The following DCAF10 variants were observed in gnomAD, a reference collection of about 807,000 sequenced individuals.
The protein encoded by DCAF10 is DDB1- and CUL4-associated factor 10.
A neutral mutation model predicts 51.9 loss-of-function variants in DCAF10; 19 were observed. That is an observed-to-expected ratio of 0.37 (90% CI 0.26 to 0.54). The LOEUF is 0.54. Ranked by LOEUF, DCAF10 falls within the 20% of genes least tolerant of loss-of-function variation. The probability of loss-of-function intolerance (pLI) is 0.87; values close to 1 mark genes in which losing one functional copy is unlikely to be tolerated. For synonymous variants in DCAF10, 291 were observed against 297.1 expected (o/e 0.98, Z 0.21); for missense variants, 510 against 730.6 (o/e 0.70, Z 3.48).
intron 1 of DCAF10, among the ~76,000 whole-genome samples, chr9:37,805,419 G>C (rs1003214728): frequency 1.3e-5 from 2 of 152,162 alleles, no homozygotes; most frequent in Admixed American, 1.3e-4. Context: ...GGGAGGCAGA[G>C]GTTGCAGTGA....
rs1831010596 is a variant in DCAF10, at chr9:37,861,330, A to G, written c.1502A>G (p.Asp501Gly). The G allele has an allele frequency of 6.2e-7, 1 of 1,614,182 alleles. No homozygotes were observed. The highest frequency in any genetic ancestry group is 8.5e-7 in the Non-Finnish European group (1 of 1,180,032). The change falls in exon 7 of 7, where the codon GAC becomes GGC. Residue 501 changes from aspartate to glycine, a missense_variant. By Grantham distance (94) the Asp-to-Gly change is moderately conservative. This residue lies in a region of DCAF10 where 104 missense variants were observed against 206.2 expected (regional missense o/e 0.50). Transcript: ENST00000377724. The surrounding 1 kb of genome is among the most constrained non-coding windows in gnomAD (Gnocchi z 4.9). ...TATGGGATTCGCTTGTTGGGATTTG[A>G]CAAACAGTGCAGTGAACTTGTTGAC... ...HGYGIRLLGF[D>G]KQCSELVDCL...
Position 37,801,459 on chromosome 9 carries a change from A to C in DCAF10, c.539+54A>C. On this transcript the variant is annotated intron_variant, in intron 1 of 6. Coordinates refer to ENST00000377724, the MANE Select transcript of DCAF10 (RefSeq NM_024345.5). This position sits in a 1 kb window ranked among gnomAD's most constrained non-coding sequence, Gnocchi z 5.5. ...CCCGCCTCCGCCCGGCTCTGCTGCC[A>C]GCGGACGGCCGTCCTGGGCTCGCTC... is the stretch of plus-strand genomic sequence containing the variant. 7.3e-7 allele frequency: 1 copy of C among 1,366,380 alleles called. No homozygotes were observed. The highest frequency in any genetic ancestry group is 9.4e-7 in the Non-Finnish European group (1 of 1,058,452). The allele number at this position is 1,366,380 out of a possible 1,614,324, so 84.6% of individuals were successfully genotyped here.
intron 1 of DCAF10, among the ~76,000 whole-genome samples, chr9:37,804,203 CAT>C (rs1223624845): frequency 6.6e-6 from 1 of 150,886 alleles, no homozygotes; most frequent in Non-Finnish European, 1.5e-5. Flanking sequence ...TAACACAGAG[CAT>C]AGAGAGAAAA....
chr9:37,860,356 A>C (rs1830978802), intron 6 of DCAF10, 163 bp downstream of exon 6: 1 of 865,554 alleles, frequency 1.2e-6, no homozygotes, highest in Non-Finnish European at 1.7e-6. Context: ...CTCTTGCTTC[A>C]TATGGTATCA....
chr9:37,850,736 A>G lies in DCAF10; in HGVS notation c.852-4044A>G, dbSNP rs142993124. On this transcript the variant is annotated intron_variant, in intron 3 of 6. Transcript: ENST00000377724. ...AACATGATGACCACTGTTAATGACA[A>G]TTTACTGTTGTTATTATATATAATT... is the stretch of plus-strand genomic sequence containing the variant. Among the ~76,000 whole-genome samples, 53 of 149,754 alleles carry G rather than the reference A, an allele frequency of 3.5e-4. No homozygotes were observed. The East Asian group carries it at 9.4e-3, about 27-fold the overall frequency.
chr9:37,860,797 A>G (rs1309277972), intron 6 of DCAF10, among the ~76,000 whole-genome samples: 1 of 152,200 alleles, frequency 6.6e-6, no homozygotes, highest in Non-Finnish European at 1.5e-5. Flanking sequence ...GTGTAGGGGA[A>G]GAGGTAAGAT....
At chr9:37,844,183 G>C (rs998105181) in intron 3 of DCAF10, among the ~76,000 whole-genome samples, 1 of 152,210 alleles carries the variant, frequency 6.6e-6, no homozygotes, top group Non-Finnish European at 1.5e-5. Flanking sequence ...CCATCTCAGT[G>C]GAAAATATTA....
chr9:37,840,979 CTATATACCA>C (rs1217870474), intron 2 of DCAF10, among the ~76,000 whole-genome samples: 1 of 152,116 alleles, frequency 6.6e-6, no homozygotes, highest in African/African-American at 2.4e-5. Flanking sequence ...GAGTGATAGG[CTATATACCA>C]TATATACCAT....
intron 2 of DCAF10, among the ~76,000 whole-genome samples, chr9:37,840,699 G>A (rs1160372842): frequency 6.6e-6 from 1 of 152,108 alleles, no homozygotes; most frequent in Admixed American, 6.5e-5. Context: ...TAGCCTAAGT[G>A]TACAGTCTTT....
At chr9:37,835,398 G>T (rs1219610687) in intron 2 of DCAF10, among the ~76,000 whole-genome samples, 1 of 152,020 alleles carries the variant, frequency 6.6e-6, no homozygotes, top group Non-Finnish European at 1.5e-5. Context: ...GGCCAAAATG[G>T]TGAAACCCTG....
intron 1 of DCAF10, among the ~76,000 whole-genome samples, chr9:37,802,242 G>A (rs1414966457): frequency 1.3e-5 from 2 of 152,192 alleles, no homozygotes; most frequent in African/African-American, 4.8e-5. Flanking sequence ...TAACCATGCT[G>A]AGCAAAACCA....
Position 37,861,554 on chromosome 9 carries a change from G to T in DCAF10, c.*46G>T. On this transcript the variant is annotated 3_prime_UTR_variant, in exon 7 of 7. Transcript: ENST00000377724. This position sits in a 1 kb window ranked among gnomAD's most constrained non-coding sequence, Gnocchi z 4.9. ...GGAACTCTTCTGGTGTTTGACTTAG[G>T]AATTGCTTCAATTTAGATGAAGTAT... 1 of 1,551,432 alleles carries T rather than the reference G, an allele frequency of 6.4e-7. No homozygotes were observed. The highest frequency in any genetic ancestry group is 1.4e-5 in the African/African-American group (1 of 72,390).
intron 1 of DCAF10, among the ~76,000 whole-genome samples, chr9:37,818,216 G>A (rs1829601800): frequency 6.6e-6 from 1 of 152,072 alleles, no homozygotes; most frequent in Non-Finnish European, 1.5e-5. Context: ...GTCTGGTCTC[G>A]AACTCCTGAC....
chr9:37,851,559 C>A (rs1830651485), intron 3 of DCAF10, among the ~76,000 whole-genome samples: 1 of 151,344 alleles, frequency 6.6e-6, no homozygotes, highest in African/African-American at 2.4e-5. Context: ...CTTTGGGAGG[C>A]CGAGGCGGGT....
At chr9:37,815,017 T>C (rs534357378) in intron 1 of DCAF10, among the ~76,000 whole-genome samples, 1 of 152,272 alleles carries the variant, frequency 6.6e-6, no homozygotes, top group African/African-American at 2.4e-5. Context: ...AAGACTGATT[T>C]GAAATTAGAA....
chr9:37,858,754 T>C (rs1343798560), intron 5 of DCAF10, among the ~76,000 whole-genome samples: 1 of 152,250 alleles, frequency 6.6e-6, no homozygotes, highest in Non-Finnish European at 1.5e-5. Context: ...AATAGCTGTA[T>C]AGAGCAGAGG....
intron 2 of DCAF10, among the ~76,000 whole-genome samples, chr9:37,824,769 A>G (rs973158072): frequency 1.1e-4 from 16 of 152,104 alleles, no homozygotes. Flanking sequence ...GAGAAATGGG[A>G]AAAGAAAACT....
chr9:37,809,879 G>A (rs930501872), intron 1 of DCAF10, among the ~76,000 whole-genome samples: 4 of 141,620 alleles, frequency 2.8e-5, no homozygotes, highest in Admixed American at 7.1e-5. Flanking sequence ...GGCCGTGCGC[G>A]GTGGCTCACG....
rs1252798864 is a variant in DCAF10, at chr9:37,861,413, G to C, written c.1585G>C (p.Asp529His). ...RVIRSLYSHN[D>H]VVLTTKFSPT... ...GATCCGTTCTCTGTACTCTCATAAT[G>C]ATGTGGTACTGACAACAAAGTTCTC... Residue 529 changes from aspartate (D) to histidine (H), a missense_variant, in exon 7 of 7, where the codon GAT becomes CAT. This residue lies in a region of DCAF10 where 104 missense variants were observed against 206.2 expected (regional missense o/e 0.50). Transcript: ENST00000377724. This position sits in a 1 kb window ranked among gnomAD's most constrained non-coding sequence, Gnocchi z 4.9. 1.2e-6 allele frequency: 2 copies of C among 1,614,084 alleles called. No individual in the cohort carries two copies.
Sources: gnomAD v4.1 joint callset for allele counts (sites outside exome capture counted in the v4.1 genomes callset) on GRCh38, gnomAD v4.1.1 for gene constraint, gnomAD v4.1.1 regional missense constraint, Gnocchi (gnomAD v3.1) non-coding constraint, MANE v1.5 for transcripts, NCBI Gene and HGNC (gene_info 2026-07-23, HGNC 2026-07-21) for gene names.